Variants in ANKRD44 observed in about 807,000 individuals in gnomAD.
The protein encoded by ANKRD44 is serine/threonine-protein phosphatase 6 regulatory ankyrin repeat subunit B.
In ANKRD44, 35 loss-of-function variants were observed where a neutral mutation model predicts 116.0. The ratio of observed to expected loss-of-function variants is 0.30; its 90% CI spans 0.23 to 0.40. The LOEUF is 0.40. Among genes scored for constraint, ANKRD44 ranks in the 10% least tolerant of loss-of-function variants. ANKRD44 has a pLI of 1.00. For synonymous variants in ANKRD44, 435 were observed against 461.8 expected (o/e 0.94, Z 0.74); for missense variants, 1,014 against 1,242.6 (o/e 0.82, Z 2.77).
chr2:197,025,995 C>T (rs1163366475), intron 16 of ANKRD44, among the ~76,000 whole-genome samples: 1 of 145,276 alleles, frequency 6.9e-6, no homozygotes, highest in Non-Finnish European at 1.5e-5. Context: ...ATTGTTAAAA[C>T]CTTTCTGGTT....
At chr2:196,971,449 T>C (rs964996174) in intron 21 of ANKRD44, among the ~76,000 whole-genome samples, 3 of 152,112 alleles carry the variant, frequency 2.0e-5, no homozygotes, top group African/African-American at 7.2e-5. Flanking sequence ...CTTCCCCTCC[T>C]GGGTTCAAGT....
intron 1 of ANKRD44, among the ~76,000 whole-genome samples, chr2:197,268,233 A>G (rs1228761035): frequency 6.6e-6 from 1 of 152,242 alleles, no homozygotes; most frequent in Non-Finnish European, 1.5e-5. Context: ...TGTGCCATGA[A>G]AATCTATCAG....
intron 9 of ANKRD44, among the ~76,000 whole-genome samples, chr2:197,102,053 A>AAAAAAAC (rs2078306126): frequency 3.9e-5 from 6 of 152,102 alleles, no homozygotes; most frequent in Admixed American, 3.9e-4. Context: ...CGCTTTGCAA[A>AAAAAAAC]AAAAAACAAA....
intron 6 of ANKRD44, among the ~76,000 whole-genome samples, chr2:197,123,728 T>C (rs2078912140): frequency 6.6e-6 from 1 of 152,312 alleles, no homozygotes; most frequent in Admixed American, 6.5e-5. Flanking sequence ...GCTCTAAATA[T>C]GGCTGAAAAT....
At chr2:197,261,398 A>T (rs1972325) in intron 1 of ANKRD44, among the ~76,000 whole-genome samples, 6 of 151,770 alleles carry the variant, frequency 4.0e-5, no homozygotes, top group South Asian at 4.2e-4. Flanking sequence ...AGATATGTGG[A>T]ATTATTTCTG....
intron 16 of ANKRD44, among the ~76,000 whole-genome samples, chr2:197,045,510 AAG>A (rs1341886778): frequency 5.3e-5 from 8 of 152,146 alleles, no homozygotes; most frequent in Admixed American, 2.6e-4. Flanking sequence ...CATAGCCTAA[AAG>A]CTCCTAAATT....
intron 2 of ANKRD44, among the ~76,000 whole-genome samples, chr2:197,179,534 TTC>T (rs2080452532): frequency 1.3e-5 from 2 of 152,244 alleles, no homozygotes; most frequent in Admixed American, 1.3e-4. Context: ...ACATTTTTAA[TTC>T]TTATATTTTT....
At chr2:197,048,024 C>T (rs569013744) in intron 16 of ANKRD44, among the ~76,000 whole-genome samples, 1 of 152,212 alleles carries the variant, frequency 6.6e-6, no homozygotes, top group East Asian at 1.9e-4. Flanking sequence ...CACCATACAT[C>T]TACAATTTCT....
chr2:197,063,798 C>T (rs1488660565), intron 16 of ANKRD44, among the ~76,000 whole-genome samples: 3 of 152,124 alleles, frequency 2.0e-5, no homozygotes, highest in African/African-American at 7.2e-5. Context: ...AAATATGGGA[C>T]TATGTGAAAA....
intron 16 of ANKRD44, among the ~76,000 whole-genome samples, chr2:197,058,526 C>A (rs2077247206): frequency 6.6e-6 from 1 of 151,080 alleles, no homozygotes; most frequent in South Asian, 2.1e-4. Flanking sequence ...AGATCAGAAA[C>A]TTATAGTTGA....
intron 10 of ANKRD44, among the ~76,000 whole-genome samples, chr2:197,093,596 A>G (rs2078096152): frequency 6.6e-6 from 1 of 152,260 alleles, no homozygotes; most frequent in Admixed American, 6.5e-5. Flanking sequence ...TTGCGCTTGC[A>G]TATGAAACTA....
chr2:197,018,935 C>A (rs2076442918), intron 17 of ANKRD44, among the ~76,000 whole-genome samples: 1 of 152,132 alleles, frequency 6.6e-6, no homozygotes, highest in South Asian at 2.1e-4. Context: ...TCCAAGATCA[C>A]TTAGTTAGTA....
At chr2:197,045,427 T>G (rs1306773390) in intron 16 of ANKRD44, among the ~76,000 whole-genome samples, 1 of 152,184 alleles carries the variant, frequency 6.6e-6, no homozygotes, top group East Asian at 1.9e-4. Flanking sequence ...CCACCTGTAG[T>G]GTCATTTTAT....
chr2:197,168,492 A>T (rs1313661636), intron 2 of ANKRD44, among the ~76,000 whole-genome samples: 1 of 152,142 alleles, frequency 6.6e-6, no homozygotes, highest in African/African-American at 2.4e-5. Context: ...CCCCATCATC[A>T]TTTCCTTTGT....
At chr2:197,049,541 T>G (rs1316199728) in intron 16 of ANKRD44, among the ~76,000 whole-genome samples, 1 of 152,200 alleles carries the variant, frequency 6.6e-6, no homozygotes, top group Non-Finnish European at 1.5e-5. Flanking sequence ...AGGAAACACA[T>G]TCTCATTACT....
chr2:197,103,227 C>CAAA (rs59073157), intron 9 of ANKRD44, among the ~76,000 whole-genome samples: 3,082 of 102,916 alleles, frequency 0.03, 143 homozygotes, highest in African/African-American at 0.11. Context: ...GACTCCATCT[C>CAAA]AAAAAAAAAA....
At chr2:197,262,761 C>T (rs1559197557) in intron 1 of ANKRD44, among the ~76,000 whole-genome samples, 2 of 151,968 alleles carry the variant, frequency 1.3e-5, no homozygotes, top group Non-Finnish European at 2.9e-5. Flanking sequence ...AAAAATTAGC[C>T]AGGCATGGTG....
intron 16 of ANKRD44, among the ~76,000 whole-genome samples, chr2:197,046,461 T>C (rs1334815460): frequency 2.0e-5 from 3 of 152,152 alleles, no homozygotes; most frequent in Non-Finnish European, 4.4e-5. Context: ...TCCAGTATTA[T>C]TCACTCCTAT....
chr2:196,968,852 CCT>C (rs1163134049), intron 21 of ANKRD44, among the ~76,000 whole-genome samples: 1 of 152,172 alleles, frequency 6.6e-6, no homozygotes, highest in Non-Finnish European at 1.5e-5. Flanking sequence ...CGCAGGCCCC[CCT>C]GTCTATATTC....
Sources: gnomAD v4.1 joint callset for allele counts (sites outside exome capture counted in the v4.1 genomes callset) on GRCh38, gnomAD v4.1.1 for gene constraint, MANE v1.5 for transcripts, NCBI Gene and HGNC (gene_info 2026-07-23, HGNC 2026-07-21) for gene names.